PPP3CA: variants seen among roughly 807,000 people sequenced by gnomAD.
PPP3CA encodes the protein CAM-PRP catalytic subunit.
PPP3CA carries 14 observed loss-of-function variants against 66.5 expected under a neutral mutation model. That is an observed-to-expected ratio of 0.21 (90% confidence interval 0.14 to 0.33). The LOEUF (loss-of-function observed/expected upper bound fraction) is 0.33, where lower values mean the gene tolerates loss of function less well. Among genes scored for constraint, PPP3CA ranks in the 10% least tolerant of loss-of-function variants. The pLI is 1.00. For missense variants in PPP3CA, 317 were observed against 639.5 expected, an observed-to-expected ratio of 0.50 and a Z score of 5.44; for synonymous variants, 232 against 226.2, an observed-to-expected ratio of 1.03 and a Z score of -0.23.
At chr4:101,280,684 G>C (rs1465718917) in intron 1 of PPP3CA, among the ~76,000 whole-genome samples, 1 of 152,026 alleles carries the variant, frequency 6.6e-6, no homozygotes, top group African/African-American at 2.4e-5. Context: ...GCCGGGCATG[G>C]TGGCATGCAC....
intron 1 of PPP3CA, among the ~76,000 whole-genome samples, chr4:101,285,576 C>G (rs1727815726): frequency 6.7e-6 from 1 of 150,048 alleles, no homozygotes; most frequent in Non-Finnish European, 1.5e-5. Context: ...CCTTTCCCTT[C>G]CCTTTCAAAT....
chr4:101,137,172 C>T (rs1203788494), intron 2 of PPP3CA, among the ~76,000 whole-genome samples: 1 of 152,070 alleles, frequency 6.6e-6, no homozygotes, highest in East Asian at 1.9e-4. Context: ...AAAAGAAGGG[C>T]TCAACAAGTA....
intron 1 of PPP3CA, among the ~76,000 whole-genome samples, chr4:101,326,114 C>T (rs1050219187): frequency 1.3e-5 from 2 of 151,786 alleles, no homozygotes; most frequent in Non-Finnish European, 1.5e-5. Flanking sequence ...CCAGCATGGG[C>T]GACAGAGTGA....
chr4:101,214,672 C>T lies in PPP3CA; in HGVS notation c.59-18556G>A, dbSNP rs183413753. ...CAGCAGGATAATCTGTAAAAGCTCC[C>T]CTTTTCAAGCCAATGTGTTCTAAGG... On this transcript the variant is annotated intron_variant, in intron 1 of 13. Coordinates refer to ENST00000394854, the MANE Select transcript of PPP3CA (RefSeq NM_000944.5). 2.7e-3 allele frequency among the ~76,000 whole-genome samples: 404 copies of T among 152,134 alleles called. 4 individuals carry two copies. The highest frequency in any genetic ancestry group is 9.1e-3 in the African/African-American group (379 of 41,520).
chr4:101,069,691 A>T (rs1362830398), intron 8 of PPP3CA, among the ~76,000 whole-genome samples: 2 of 152,172 alleles, frequency 1.3e-5, no homozygotes, highest in Non-Finnish European at 2.9e-5. Flanking sequence ...TGAGACAGCA[A>T]GACCAACCCC....
intron 1 of PPP3CA, among the ~76,000 whole-genome samples, chr4:101,309,914 C>T (rs570552704): frequency 2.6e-5 from 4 of 152,278 alleles, no homozygotes; most frequent in East Asian, 3.9e-4. Flanking sequence ...ATCAACGACA[C>T]GTTATGATTG....
At chr4:101,090,969 T>C (rs1202266172) in intron 6 of PPP3CA, among the ~76,000 whole-genome samples, 2 of 150,236 alleles carry the variant, frequency 1.3e-5, no homozygotes, top group Admixed American at 6.6e-5. Flanking sequence ...TCTGTGTCTA[T>C]ATTATAATAT....
chr4:101,314,380 T>C (rs764802254), intron 1 of PPP3CA, among the ~76,000 whole-genome samples: 7 of 151,888 alleles, frequency 4.6e-5, no homozygotes, highest in Non-Finnish European at 1.0e-4. Context: ...CTGGCTAACA[T>C]GGTGAAACCC....
intron 7 of PPP3CA, among the ~76,000 whole-genome samples, chr4:101,080,967 C>T (rs762997014): frequency 6.6e-6 from 1 of 152,056 alleles, no homozygotes; most frequent in Non-Finnish European, 1.5e-5. Flanking sequence ...ACTTTGTACC[C>T]ACCCAAAATT....
intron 2 of PPP3CA, among the ~76,000 whole-genome samples, chr4:101,150,806 A>G (rs1352885569): frequency 1.3e-5 from 2 of 152,116 alleles, no homozygotes; most frequent in Non-Finnish European, 1.5e-5. Flanking sequence ...CTCACATAAT[A>G]CTTTATTTTC....
rs573407928 is a variant in PPP3CA, at chr4:101,246,775, T to G, written c.59-50659A>C. Among the ~76,000 whole-genome samples, 111 of 152,264 alleles carry G rather than the reference T, an allele frequency of 7.3e-4. 4 individuals carry two copies. The South Asian group carries it at 0.022, about 31-fold the overall frequency. ...ATATATTCACATCTCCTTCTATATA[T>G]ATAAAGTTAAAGGGCTTTGTTATTT... On this transcript the variant is annotated intron_variant, in intron 1 of 13. Transcript: ENST00000394854.
chr4:101,262,164 GT>G (rs1414782705), intron 1 of PPP3CA, among the ~76,000 whole-genome samples: 2 of 151,722 alleles, frequency 1.3e-5, no homozygotes, highest in Non-Finnish European at 2.9e-5. Context: ...TATCCACCAA[GT>G]CCCCCCTCAT....
In PPP3CA at chr4:101,347,505, G is replaced by A. The variant is rs1730059949; in HGVS notation, c.-709C>T. 1 of 162,774 alleles carries A rather than the reference G, an allele frequency of 6.1e-6. No homozygotes were observed. Among genetic ancestry groups the A allele is most frequent in the African/African-American group, 2.4e-5 (1 of 41,018 alleles). 10.1% of individuals were successfully genotyped at this position (162,774 alleles called of 1,614,324 possible). On this transcript the variant is annotated 5_prime_UTR_variant, in exon 1 of 14. Transcript: ENST00000394854. Reference sequence around the variant, plus strand: ...CAAGGCACAGCCGCCGAGCTCGGCAGACACAGTCCCGGGCACAACCTACCC... The same window carrying A: ...CAAGGCACAGCCGCCGAGCTCGGCAAACACAGTCCCGGGCACAACCTACCC...
chr4:101,215,739 T>C (rs2110208956), intron 1 of PPP3CA, among the ~76,000 whole-genome samples: 1 of 152,212 alleles, frequency 6.6e-6, no homozygotes, highest in South Asian at 2.1e-4. Context: ...AATTTCTAAT[T>C]TAATAAAGCT....
intron 1 of PPP3CA, among the ~76,000 whole-genome samples, chr4:101,322,589 T>G (rs1025297626): frequency 1.1e-4 from 16 of 152,116 alleles, no homozygotes; most frequent in Admixed American, 9.8e-4. Context: ...TTTGTATTTT[T>G]AGAAGAGACC....
rs902401611 is a variant in PPP3CA, at chr4:101,249,136, C to T, written c.59-53020G>A. On this transcript the variant is annotated intron_variant, in intron 1 of 13. Coordinates refer to ENST00000394854, the MANE Select transcript of PPP3CA (RefSeq NM_000944.5). The stretch of plus-strand genomic sequence containing the variant: ...GATTGCACCACTGCAGTCTGCAGTC[C>T]GGCCTGGGCGACAGAGCGAGACTCT... Among the ~76,000 whole-genome samples the T allele has an allele frequency of 2.0e-5, 3 of 150,924 alleles. 1 individual carries two copies. Among genetic ancestry groups the T allele is most frequent in the East Asian group, 3.9e-4 (2 of 5,104 alleles).
At chr4:101,094,819 A>G (rs189707935) in intron 5 of PPP3CA, among the ~76,000 whole-genome samples, 1 of 152,312 alleles carries the variant, frequency 6.6e-6, no homozygotes, top group East Asian at 1.9e-4. Flanking sequence ...AACTGCAATT[A>G]AAGGATCTTT....
chr4:101,345,298 G>C (rs1258158487), intron 1 of PPP3CA, among the ~76,000 whole-genome samples: 1 of 152,178 alleles, frequency 6.6e-6, no homozygotes, highest in African/African-American at 2.4e-5. Context: ...TAAAAACTGA[G>C]TAAACCTCTA....
intron 1 of PPP3CA, among the ~76,000 whole-genome samples, chr4:101,301,063 T>A (rs1251724366): frequency 1.3e-5 from 2 of 152,148 alleles, no homozygotes; most frequent in Non-Finnish European, 2.9e-5. Flanking sequence ...GAAGTCACCA[T>A]CATTCACCAC....
Sources: gnomAD v4.1 joint callset for allele counts (sites outside exome capture counted in the v4.1 genomes callset) on GRCh38, gnomAD v4.1.1 for gene constraint, MANE v1.5 for transcripts, NCBI Gene and HGNC (gene_info 2026-07-23, HGNC 2026-07-21) for gene names.